FRMPD2: variants seen among roughly 807,000 people sequenced by gnomAD.
FRMPD2 encodes FERM and PDZ domain containing 2.
Under a neutral mutation model 140.1 loss-of-function variants are expected in FRMPD2, and 96 were observed. The ratio of observed to expected loss-of-function variants is 0.69; its 90% CI spans 0.58 to 0.81. The LOEUF (loss-of-function observed/expected upper bound fraction) is 0.81, where lower values mean the gene tolerates loss of function less well. FRMPD2 is among the 40% of genes least tolerant of loss of function. The pLI, the probability that FRMPD2 is intolerant of heterozygous loss-of-function variation, is 0.00. For synonymous variants in FRMPD2, 449 were observed against 547.6 expected, an observed-to-expected ratio of 0.82 and a Z score of 2.52; for missense variants, 1,240 against 1,447.4, an observed-to-expected ratio of 0.86 and a Z score of 2.32.
intron 12 of FRMPD2, among the ~76,000 whole-genome samples, chr10:48,220,755 G>A (rs932551444): frequency 2.6e-5 from 4 of 151,938 alleles, no homozygotes; most frequent in Middle Eastern, 6.3e-3. Context: ...AAAAGCAAAC[G>A]ATTTCATCAG....
chr10:48,204,922 G>C (rs186604575), intron 14 of FRMPD2, among the ~76,000 whole-genome samples: 1 of 152,266 alleles, frequency 6.6e-6, no homozygotes, highest in Admixed American at 6.5e-5. Flanking sequence ...ACACATCTAC[G>C]AATCATATTC....
At chr10:48,256,016 C>G (rs1402407707) in intron 1 of FRMPD2, among the ~76,000 whole-genome samples, 2 of 152,214 alleles carry the variant, frequency 1.3e-5, no homozygotes, top group Non-Finnish European at 2.9e-5. Flanking sequence ...CTTGGCCTAC[C>G]TGCTAGTTTG....
Position 48,158,347 on chromosome 10 carries a change from G to A in FRMPD2, c.3882-977C>T, listed in dbSNP as rs531276257. On this transcript the variant is annotated intron_variant, in intron 28 of 28. Coordinates refer to ENST00000374201, the MANE Select transcript of FRMPD2 (RefSeq NM_001018071.4). ...GGCTGCCCTTGGAGATTTGACCTGG[G>A]GCTCAACTGTGGACATAGGGAAAGG... Among the ~76,000 whole-genome samples the A allele has an allele frequency of 6.9e-4, 103 of 149,778 alleles. 1 individual carries two copies. Among genetic ancestry groups the A allele is most frequent in the African/African-American group, 2.4e-3 (98 of 40,460 alleles).
At chr10:48,235,470 CA>C (rs1466113521) in intron 9 of FRMPD2, among the ~76,000 whole-genome samples, 3 of 152,182 alleles carry the variant, frequency 2.0e-5, no homozygotes, top group Admixed American at 6.5e-5. Flanking sequence ...ATCCCCTTGA[CA>C]GGGGGGTGCA....
At chr10:48,242,607 C>T (rs1840148573) in intron 4 of FRMPD2, among the ~76,000 whole-genome samples, 1 of 152,268 alleles carries the variant, frequency 6.6e-6, no homozygotes. Context: ...TCTGCCCAAG[C>T]ACATGCTTGG....
chr10:48,214,689 G>C (rs1839405977), intron 12 of FRMPD2, among the ~76,000 whole-genome samples: 1 of 152,164 alleles, frequency 6.6e-6, no homozygotes, highest in South Asian at 2.1e-4. Flanking sequence ...AAGTCCATAT[G>C]GGACTGAAAA....
chr10:48,271,962 G>C (rs1367228882), intron 1 of FRMPD2, among the ~76,000 whole-genome samples: 1 of 152,156 alleles, frequency 6.6e-6, no homozygotes, highest in African/African-American at 2.4e-5. Flanking sequence ...TGAATCCTGA[G>C]TATATGGAGA....
At chr10:48,180,148 G>A (rs1838506949) in intron 21 of FRMPD2, among the ~76,000 whole-genome samples, 2 of 152,192 alleles carry the variant, frequency 1.3e-5, no homozygotes, top group Admixed American at 6.5e-5. Context: ...CCACAACTGC[G>A]GGCTCCTGCT....
At chr10:48,264,627 A>T (rs1280211753) in intron 1 of FRMPD2, among the ~76,000 whole-genome samples, 1 of 152,146 alleles carries the variant, frequency 6.6e-6, no homozygotes. Flanking sequence ...CTGATGAAAG[A>T]AATAAAAATA....
intron 9 of FRMPD2, among the ~76,000 whole-genome samples, chr10:48,234,828 T>G (rs1839930945): frequency 6.6e-6 from 1 of 152,022 alleles, no homozygotes; most frequent in Non-Finnish European, 1.5e-5. Flanking sequence ...ACTGGGACAA[T>G]AGCACTGTTC....
At chr10:48,240,535 AG>A in intron 5 of FRMPD2, 43 bp from the exon 6 acceptor site, 1 of 1,609,714 alleles carries the variant, frequency 6.2e-7, no homozygotes, top group Non-Finnish European at 8.5e-7. Context: ...CAAGATAAGG[AG>A]GGGGCGTTTT....
At chr10:48,204,126 G>A (rs899057501) in intron 14 of FRMPD2, among the ~76,000 whole-genome samples, 2 of 152,156 alleles carry the variant, frequency 1.3e-5, no homozygotes, top group Admixed American at 1.3e-4. Flanking sequence ...CCCAGCCCCC[G>A]AAGGAAGCAT....
Position 48,222,424 on chromosome 10 carries a change from G to A in FRMPD2, c.1344C>T (p.Tyr448=), listed in dbSNP as rs775696838. 1 of 1,614,146 alleles carries A rather than the reference G, an allele frequency of 6.2e-7. No individual in the cohort carries two copies. The highest frequency in any genetic ancestry group is 1.1e-5 in the South Asian group (1 of 91,078). ...LQHSLTRHQF[Y]LQLRKDILEE... ...CCAGGATATCTTTCCGAAGCTGCAG[G>A]TAAAACTGGTGCCTTGTCAGGCTGT... The change falls in exon 12 of 29, where the codon TAC becomes TAT. Residue 448 remains tyrosine (Y), a synonymous_variant. Transcript: ENST00000374201.
At chr10:48,239,231 C>T (rs1840042542) in intron 7 of FRMPD2, among the ~76,000 whole-genome samples, 1 of 152,256 alleles carries the variant, frequency 6.6e-6, no homozygotes, top group Non-Finnish European at 1.5e-5. Context: ...AAATGACCAA[C>T]TCACAGAATC....
At chr10:48,264,264 A>T (rs552313572) in intron 1 of FRMPD2, among the ~76,000 whole-genome samples, 1 of 152,218 alleles carries the variant, frequency 6.6e-6, no homozygotes, top group South Asian at 2.1e-4. Flanking sequence ...TCACCATTGG[A>T]AGTCCTAGCT....
intron 10 of FRMPD2, among the ~76,000 whole-genome samples, chr10:48,223,802 C>A (rs1176566691): frequency 6.6e-6 from 1 of 152,110 alleles, no homozygotes; most frequent in African/African-American, 2.4e-5. Context: ...GAGTATGGGT[C>A]CCCCATGATG....
At chr10:48,270,313 T>C (rs74732306) in intron 1 of FRMPD2, among the ~76,000 whole-genome samples, 1,679 of 152,302 alleles carry the variant, frequency 0.011, 37 homozygotes, top group African/African-American at 0.039. Context: ...TACTTATGTG[T>C]GGCCAATTTG....
chr10:48,239,641 G>A lies in FRMPD2; in HGVS notation c.752C>T (p.Thr251Ile). Residue 251 changes from threonine to isoleucine, a missense_variant, in exon 7 of 29, where the codon ACC becomes ATC. This residue lies in a region of FRMPD2 where 1,161 missense variants were observed against 1,055.9 expected (regional missense o/e 1.10). Coordinates refer to ENST00000374201, the MANE Select transcript of FRMPD2 (RefSeq NM_001018071.4). ...TQSSPEPHWS[T>I]LTHSHCSLLV... is the part of the protein sequence containing the mutation. ...GAGGCTGCAGTGACTGTGTGTCAAG[G>A]TGCTCCAATGGGGCTCTGGTGAGCT... is the stretch of plus-strand genomic sequence containing the variant. The A allele has an allele frequency of 6.2e-7, 1 of 1,614,132 alleles. No individual in the cohort carries two copies. Among genetic ancestry groups the A allele is most frequent in the East Asian group, 2.2e-5 (1 of 44,892 alleles).
intron 2 of FRMPD2, among the ~76,000 whole-genome samples, chr10:48,250,111 C>T (rs1168582754): frequency 1.3e-5 from 2 of 152,180 alleles, no homozygotes; most frequent in Non-Finnish European, 2.9e-5. Context: ...CCTGCCCACA[C>T]CAACCTCCAG....
Sources: gnomAD v4.1 joint callset for allele counts (sites outside exome capture counted in the v4.1 genomes callset) on GRCh38, gnomAD v4.1.1 for gene constraint, gnomAD v4.1.1 regional missense constraint, MANE v1.5 for transcripts, NCBI Gene and HGNC (gene_info 2026-07-23, HGNC 2026-07-21) for gene names.